ROCK2: variants seen among roughly 807,000 people sequenced by gnomAD.
The protein encoded by ROCK2 is Rho associated coiled-coil containing protein kinase 2, also known as rho-associated protein kinase 2.
In ROCK2, 61 loss-of-function variants were observed where a neutral mutation model predicts 195.1. The ratio of observed to expected loss-of-function variants is 0.31; its 90% CI spans 0.25 to 0.39. The LOEUF (loss-of-function observed/expected upper bound fraction) is 0.39. Among genes scored for constraint, ROCK2 ranks in the 10% least tolerant of loss-of-function variants. The probability of loss-of-function intolerance (pLI) is 1.00; values close to 1 mark genes in which losing one functional copy is unlikely to be tolerated. For missense variants in ROCK2, 1,109 were observed against 1,637.4 expected, an observed-to-expected ratio of 0.68 and a Z score of 5.57; for synonymous variants, 504 against 545.5, an observed-to-expected ratio of 0.92 and a Z score of 1.06.
chr2:11,189,750 G>A (rs993153309), intron 32 of ROCK2, among the ~76,000 whole-genome samples: 4 of 152,112 alleles, frequency 2.6e-5, no homozygotes, highest in Admixed American at 2.6e-4. Flanking sequence ...GGGAGGCCGA[G>A]GTGGGAGGAT....
intron 1 of ROCK2, among the ~76,000 whole-genome samples, chr2:11,292,638 G>A (rs1021913167): frequency 2.0e-5 from 3 of 152,148 alleles, no homozygotes; most frequent in African/African-American, 7.2e-5. Context: ...ACAGAGCATA[G>A]GAAGCATATT....
At chr2:11,188,110 T>A (rs1006153183) in intron 32 of ROCK2, among the ~76,000 whole-genome samples, 4 of 147,054 alleles carry the variant, frequency 2.7e-5, no homozygotes, top group African/African-American at 1.0e-4. Flanking sequence ...ATAATTTTTT[T>A]TTTTTTTTTT....
At position 11,237,540 on chromosome 2, in the gene ROCK2, C is replaced by G. The variant is rs567414985; in HGVS notation, c.463-1578G>C. ...AGCTAGGGCTAAATTTTCAGAAATC[C>G]AAGAGAAAAATCCTGTTTCCAAAAA... On this transcript the variant is annotated intron_variant, in intron 4 of 32. Transcript: ENST00000315872. Among the ~76,000 whole-genome samples the G allele has an allele frequency of 2.1e-3, 324 of 151,986 alleles. 1 individual carries two copies. The highest frequency in any genetic ancestry group is 7.6e-3 in the African/African-American group (315 of 41,466).
intron 4 of ROCK2, among the ~76,000 whole-genome samples, chr2:11,240,401 T>C (rs777642646): frequency 6.6e-6 from 1 of 152,232 alleles, no homozygotes; most frequent in Non-Finnish European, 1.5e-5. Context: ...TTATTTATTA[T>C]AACACACCAT....
At chr2:11,337,979 T>C (rs918352782) in intron 1 of ROCK2, among the ~76,000 whole-genome samples, 3 of 152,090 alleles carry the variant, frequency 2.0e-5, no homozygotes, top group African/African-American at 7.2e-5. Flanking sequence ...ATCTGCCCTA[T>C]GAGTTAGCAA....
intron 1 of ROCK2, among the ~76,000 whole-genome samples, chr2:11,317,589 TATATATATATATA>T (rs1668243634): frequency 7.5e-5 from 1 of 13,302 alleles, no homozygotes; most frequent in Non-Finnish European, 1.5e-4. Context: ...TATATATATA[TATATATATATATA>T]TATATATATA....
intron 1 of ROCK2, among the ~76,000 whole-genome samples, chr2:11,306,842 A>G (rs1042810099): frequency 9.2e-5 from 14 of 152,330 alleles, no homozygotes; most frequent in African/African-American, 3.4e-4. Flanking sequence ...GAAAATACCT[A>G]CCAACACCAT....
At chr2:11,330,848 GGGGGAGGAAGAGGGA>G (rs1668715662) in intron 1 of ROCK2, among the ~76,000 whole-genome samples, 1 of 18,002 alleles carries the variant, frequency 5.6e-5, no homozygotes, top group Non-Finnish European at 1.6e-4. Flanking sequence ...GGGAGGAGGA[GGGGGAGGAAGAGGGA>G]GGAGGAGGGA....
chr2:11,335,108 T>TACACACACACAC (rs59721285), intron 1 of ROCK2, among the ~76,000 whole-genome samples: 6 of 145,026 alleles, frequency 4.1e-5, no homozygotes, highest in African/African-American at 1.5e-4. Flanking sequence ...CTTTGACTGA[T>TACACACACACAC]ACACACACAC....
In ROCK2 at chr2:11,185,278, G is replaced by A. The variant is rs558548806; in HGVS notation, c.4164-1838C>T. Among the ~76,000 whole-genome samples the A allele has an allele frequency of 7.9e-5, 12 of 152,320 alleles. No individual in the cohort carries two copies. The East Asian group carries it at 2.1e-3, about 27-fold the overall frequency. On this transcript the variant is annotated intron_variant, in intron 32 of 32. Coordinates refer to ENST00000315872, the MANE Select transcript of ROCK2 (RefSeq NM_004850.5). ...AATGTGTCACCAAGAGCTTTGTCCT[G>A]CATATGAAAAACTAGGGACAAGGGA...
At chr2:11,277,295 T>G (rs1666858279) in intron 3 of ROCK2, among the ~76,000 whole-genome samples, 1 of 152,156 alleles carries the variant, frequency 6.6e-6, no homozygotes, top group South Asian at 2.1e-4. Flanking sequence ...CTCCACCCAT[T>G]CACCCCTTCA....
At chr2:11,283,242 T>C (rs1667069646) in intron 3 of ROCK2, among the ~76,000 whole-genome samples, 1 of 141,584 alleles carries the variant, frequency 7.1e-6, no homozygotes, top group Non-Finnish European at 1.5e-5. Context: ...CACTCCAGCC[T>C]GGCGACAGAG....
intron 1 of ROCK2, among the ~76,000 whole-genome samples, chr2:11,335,475 T>C (rs1198074244): frequency 1.3e-5 from 2 of 152,182 alleles, no homozygotes; most frequent in Admixed American, 1.3e-4. Flanking sequence ...AAGCTGTAAG[T>C]TGCACTGAGT....
intron 12 of ROCK2, among the ~76,000 whole-genome samples, chr2:11,216,796 C>T (rs1280130057): frequency 1.3e-5 from 2 of 152,144 alleles, no homozygotes; most frequent in Non-Finnish European, 2.9e-5. Flanking sequence ...ATGATCTCAG[C>T]TCACTGCAAC....
intron 3 of ROCK2, among the ~76,000 whole-genome samples, chr2:11,270,777 T>C (rs1666598392): frequency 6.6e-6 from 1 of 152,264 alleles, no homozygotes; most frequent in South Asian, 2.1e-4. Flanking sequence ...ATTAGCATAT[T>C]AATCAAAGTT....
At chr2:11,186,486 T>C (rs1408809758) in intron 32 of ROCK2, among the ~76,000 whole-genome samples, 7 of 152,240 alleles carry the variant, frequency 4.6e-5, no homozygotes, top group Non-Finnish European at 1.0e-4. Flanking sequence ...AGTCATCTAA[T>C]TCTAGTTATT....
rs1328955024 is a variant in ROCK2 at position 11,235,696 on chromosome 2, A to T, written c.723+6T>A. The T allele has an allele frequency of 6.3e-7, 1 of 1,598,998 alleles. No individual in the cohort carries two copies. Among genetic ancestry groups the T allele is most frequent in the Non-Finnish European group, 8.5e-7 (1 of 1,172,334 alleles). ...CACTATCGTTTTAAATAATTTGCTT[A>T]CTTACTTCATCCATCTTCATACACG... On this transcript the variant is annotated splice_donor_region_variant and intron_variant, in intron 5 of 32. Coordinates refer to ENST00000315872, the MANE Select transcript of ROCK2 (RefSeq NM_004850.5). The surrounding 1 kb of genome is among the most constrained non-coding windows in gnomAD (Gnocchi z 4.2).
At chr2:11,278,418 T>C (rs1666897710) in intron 3 of ROCK2, among the ~76,000 whole-genome samples, 2 of 152,260 alleles carry the variant, frequency 1.3e-5, no homozygotes, top group South Asian at 4.1e-4. Context: ...TAAGGCTAAA[T>C]AGTATTCCAT....
intron 32 of ROCK2, among the ~76,000 whole-genome samples, chr2:11,189,038 C>CA (rs900100841): frequency 3.0e-4 from 43 of 141,532 alleles, no homozygotes; most frequent in East Asian, 1.9e-3. Flanking sequence ...CGTCATGTCA[C>CA]AAAAAAAAAG....
Sources: allele counts gnomAD v4.1 joint callset (sites outside exome capture counted in the v4.1 genomes callset), GRCh38; gene constraint gnomAD v4.1.1; non-coding constraint Gnocchi (gnomAD v3.1); transcripts MANE v1.5; gene names NCBI Gene and HGNC (gene_info 2026-07-23, HGNC 2026-07-21).